Variants in TTC7B observed in about 807,000 individuals in gnomAD.
The protein encoded by TTC7B is tetratricopeptide repeat protein 7B.
TTC7B carries 28 observed loss-of-function variants against 106.8 expected under a neutral mutation model. The observed-to-expected ratio is 0.26, with a 90% confidence interval of 0.19 to 0.36. The LOEUF is 0.36. TTC7B is among the 10% of genes least tolerant of loss of function. The probability of loss-of-function intolerance (pLI) is 1.00; values close to 1 mark genes in which losing one functional copy is unlikely to be tolerated. For synonymous variants in TTC7B, 405 were observed against 430.6 expected (o/e 0.94, Z 0.74); for missense variants, 862 against 1,076.4 (o/e 0.80, Z 2.79).
chr14:90,705,687 T>C (rs953845826), intron 5 of TTC7B, among the ~76,000 whole-genome samples: 3 of 152,206 alleles, frequency 2.0e-5, no homozygotes, highest in Non-Finnish European at 4.4e-5. Flanking sequence ...CACATGCCAA[T>C]GAACAGCCCC....
chr14:90,651,158 C>T (rs1016942138), intron 13 of TTC7B, among the ~76,000 whole-genome samples: 1 of 152,202 alleles, frequency 6.6e-6, no homozygotes. Flanking sequence ...TAATACAAAT[C>T]ATTTTCACTT....
intron 17 of TTC7B, among the ~76,000 whole-genome samples, chr14:90,599,084 G>A (rs1892327763): frequency 6.6e-6 from 1 of 152,204 alleles, no homozygotes; most frequent in African/African-American, 2.4e-5. Context: ...CCAGGAGGTG[G>A]AGGTTGCAGT....
rs1197612399 is a variant in TTC7B at position 90,649,473 on chromosome 14, G to A, written c.1518-2450C>T. 3.9e-5 allele frequency among the ~76,000 whole-genome samples: 6 copies of A among 152,210 alleles called. No homozygotes were observed. The South Asian group carries it at 8.3e-4, about 21-fold the overall frequency. ...ATCCTCAGGCCAGGCAGATGAGAGA[G>A]AGGACATTAGTGATCAGAAAAATTG... is the stretch of plus-strand genomic sequence containing the variant. On this transcript the variant is annotated intron_variant, in intron 13 of 19. Coordinates refer to ENST00000328459, the MANE Select transcript of TTC7B (RefSeq NM_001010854.2).
At chr14:90,731,825 G>C (rs1429695135) in intron 4 of TTC7B, among the ~76,000 whole-genome samples, 1 of 152,170 alleles carries the variant, frequency 6.6e-6, no homozygotes. Flanking sequence ...CAAGTTTATA[G>C]CTGTAGTCAA....
intron 1 of TTC7B, among the ~76,000 whole-genome samples, chr14:90,789,424 T>C: frequency 6.6e-6 from 1 of 152,048 alleles, no homozygotes; most frequent in East Asian, 1.9e-4. Flanking sequence ...AATAGCCATG[T>C]TAAAAAAGGA....
Position 90,668,973 on chromosome 14 carries a change from G to C in TTC7B, c.1152+7550C>G, listed in dbSNP as rs567688004. 1.1e-4 allele frequency among the ~76,000 whole-genome samples: 17 copies of C among 151,198 alleles called. No individual in the cohort carries two copies. The South Asian group carries it at 3.5e-3, about 31-fold the overall frequency. ...TTCTGATTTCAAAGCTTACTACTAA[G>C]CTACAGAAATTAAAATAGTATGGTA... On this transcript the variant is annotated intron_variant, in intron 9 of 19. Transcript: ENST00000328459.
Position 90,531,623 on chromosome 14 carries a change from A to G in TTC7B, c.*9745T>C, listed in dbSNP as rs1889290779. 1 of 146,838 alleles carries G rather than the reference A, an allele frequency of 6.8e-6. No homozygotes were observed. The highest frequency in any genetic ancestry group is 1.5e-5 in the Non-Finnish European group (1 of 67,678). The allele number at this position is 146,838 out of a possible 1,614,324, so 9.1% of individuals were successfully genotyped here. On this transcript the variant is annotated 3_prime_UTR_variant, in exon 20 of 20. Coordinates refer to ENST00000328459, the MANE Select transcript of TTC7B (RefSeq NM_001010854.2). Reference sequence around the variant, plus strand: ...AACAAGAGCGAAACTCCTTCTCAAAAAAAAAAAAAAAAAAAAAAAAGCCGT... The same window carrying G: ...AACAAGAGCGAAACTCCTTCTCAAAGAAAAAAAAAAAAAAAAAAAAGCCGT...
chr14:90,618,139 G>T, intron 15 of TTC7B, 94 bp from the exon 16 acceptor site: 1 of 861,922 alleles, frequency 1.2e-6, no homozygotes. Flanking sequence ...CCCAGAAGCA[G>T]CTGTACTCAT....
intron 1 of TTC7B, among the ~76,000 whole-genome samples, chr14:90,795,679 G>A (rs1891752249): frequency 1.3e-5 from 2 of 152,208 alleles, no homozygotes; most frequent in African/African-American, 4.8e-5. Flanking sequence ...ATAGTCTGAA[G>A]TAAGTGGTGA....
chr14:90,590,728 G>A (rs908897450), intron 18 of TTC7B, among the ~76,000 whole-genome samples: 1 of 152,166 alleles, frequency 6.6e-6, no homozygotes, highest in Admixed American at 6.5e-5. Context: ...TTTTCCTCTT[G>A]AAGGACTATG....
chr14:90,812,125 C>G (rs1364327327), intron 1 of TTC7B, among the ~76,000 whole-genome samples: 1 of 152,162 alleles, frequency 6.6e-6, no homozygotes, highest in Non-Finnish European at 1.5e-5. Context: ...AATCCTCACA[C>G]GTGCCCTGAG....
chr14:90,614,827 G>C (rs148218656), intron 16 of TTC7B, among the ~76,000 whole-genome samples: 144 of 152,306 alleles, frequency 9.5e-4, no homozygotes, highest in African/African-American at 3.2e-3. Flanking sequence ...ACCATCCCTG[G>C]CTGAAATGCT....
intron 7 of TTC7B, among the ~76,000 whole-genome samples, chr14:90,685,550 C>G (rs1831229972): frequency 6.6e-6 from 1 of 152,110 alleles, no homozygotes; most frequent in African/African-American, 2.4e-5. Context: ...AAAGTCAAAA[C>G]CCAAAGTTGG....
intron 4 of TTC7B, among the ~76,000 whole-genome samples, chr14:90,737,465 T>G (rs1344504449): frequency 1.3e-5 from 2 of 151,400 alleles, no homozygotes; most frequent in East Asian, 3.9e-4. Context: ...TACTGATATA[T>G]GCTACTACAT....
At chr14:90,800,113 T>C (rs989903134) in intron 1 of TTC7B, among the ~76,000 whole-genome samples, 1 of 152,066 alleles carries the variant, frequency 6.6e-6, no homozygotes, top group African/African-American at 2.4e-5. Context: ...ATTACAGGCG[T>C]GAGCCACCAC....
chr14:90,625,793 C>A (rs1349736385), intron 15 of TTC7B, among the ~76,000 whole-genome samples: 2 of 152,212 alleles, frequency 1.3e-5, no homozygotes, highest in African/African-American at 2.4e-5. Flanking sequence ...TAATCGAATT[C>A]CTCAACGGTT....
intron 13 of TTC7B, among the ~76,000 whole-genome samples, chr14:90,651,844 C>G (rs1398865228): frequency 1.3e-5 from 2 of 152,160 alleles, no homozygotes; most frequent in Admixed American, 1.3e-4. Flanking sequence ...ATACGGACAC[C>G]ATGATAAATC....
chr14:90,720,851 G>A (rs908133768), intron 5 of TTC7B, among the ~76,000 whole-genome samples: 5 of 152,106 alleles, frequency 3.3e-5, no homozygotes. Flanking sequence ...TCTCCTGCTG[G>A]ACTAGAAATT....
At chr14:90,762,663 T>C (rs532447197) in intron 3 of TTC7B, among the ~76,000 whole-genome samples, 5 of 152,358 alleles carry the variant, frequency 3.3e-5, no homozygotes, top group African/African-American at 1.2e-4. Context: ...GGGTTTGCTC[T>C]ATAATATGAG....
Sources: allele counts gnomAD v4.1 joint callset (sites outside exome capture counted in the v4.1 genomes callset), GRCh38; gene constraint gnomAD v4.1.1; transcripts MANE v1.5; gene names NCBI Gene and HGNC (gene_info 2026-07-23, HGNC 2026-07-21).